Variants in ZNF365 observed in about 807,000 individuals in gnomAD.
ZNF365 encodes protein ZNF365.
In ZNF365, 22 loss-of-function variants were observed where a neutral mutation model predicts 35.0. The ratio of observed to expected loss-of-function variants is 0.63; its 90% CI spans 0.45 to 0.90. The LOEUF (loss-of-function observed/expected upper bound fraction) is 0.90, where lower values mean the gene tolerates loss of function less well. Ranked by LOEUF, ZNF365 falls within the 40% of genes least tolerant of loss-of-function variation. ZNF365 has a pLI of 0.00. For synonymous variants in ZNF365, 188 were observed against 196.2 expected (o/e 0.96, Z 0.35); for missense variants, 448 against 500.3 (o/e 0.90, Z 1.00).
intron 3 of ZNF365, among the ~76,000 whole-genome samples, chr10:62,407,628 T>A (rs1839924427): frequency 6.6e-6 from 1 of 152,194 alleles, no homozygotes. Context: ...CTGTGATTGT[T>A]AAAGTCTTTC....
chr10:62,387,871 G>A (rs2132417248), intron 2 of ZNF365, among the ~76,000 whole-genome samples: 1 of 152,216 alleles, frequency 6.6e-6, no homozygotes, highest in South Asian at 2.1e-4. Flanking sequence ...TGTCTTAAAA[G>A]CAATACATCC....
chr10:62,451,229 C>T (rs1013773386), intron 3 of ZNF365, among the ~76,000 whole-genome samples: 10 of 152,244 alleles, frequency 6.6e-5, no homozygotes, highest in East Asian at 1.9e-4. Flanking sequence ...AATCTTGATG[C>T]TCCTTTTTTC....
intron 3 of ZNF365, among the ~76,000 whole-genome samples, chr10:62,444,991 G>A (rs1388265604): frequency 6.7e-6 from 1 of 150,172 alleles, no homozygotes; most frequent in African/African-American, 2.5e-5. Context: ...TGATCTCATT[G>A]TTCAATTCCC....
At chr10:62,408,444 G>T (rs1414924983) in intron 3 of ZNF365, among the ~76,000 whole-genome samples, 1 of 152,092 alleles carries the variant, frequency 6.6e-6, no homozygotes, top group African/African-American at 2.4e-5. Context: ...AAGACATCAG[G>T]CTCTGCCACT....
intron 3 of ZNF365, among the ~76,000 whole-genome samples, chr10:62,413,012 G>A (rs1331898940): frequency 6.6e-6 from 1 of 152,086 alleles, no homozygotes; most frequent in Non-Finnish European, 1.5e-5. Context: ...TTGGCTAATA[G>A]GCAACTCTCC....
intron 4 of ZNF365, among the ~76,000 whole-genome samples, chr10:62,478,391 C>G (rs1243657263): frequency 6.6e-6 from 1 of 152,176 alleles, no homozygotes; most frequent in Non-Finnish European, 1.5e-5. Context: ...GCATAGCTCC[C>G]AGACATTTTC....
At position 62,374,839 on chromosome 10, in the gene ZNF365, C is replaced by A. The variant is rs189523298; in HGVS notation, c.-14+381C>A. Reference sequence around the variant, plus strand: ...CAAAATGCCACCCTTTTCCCATTGCCCCCTTAGAATCCTGACTTCCCCTTT... The same window carrying A: ...CAAAATGCCACCCTTTTCCCATTGCACCCTTAGAATCCTGACTTCCCCTTT... On this transcript the variant is annotated intron_variant, in intron 1 of 4. Transcript: ENST00000395254. 3.6e-3 allele frequency among the ~76,000 whole-genome samples: 548 copies of A among 152,286 alleles called. 2 individuals are homozygous for A. Among genetic ancestry groups the A allele is most frequent in the Non-Finnish European group, 5.3e-3 (360 of 68,006 alleles).
rs183546521 is a variant in ZNF365 at position 62,462,787 on chromosome 10, A to C, written c.981+2990A>C. On this transcript the variant is annotated intron_variant, in intron 4 of 4. Transcript: ENST00000395255. ...TTAATTTGATGTAAGGAAATCTAAA[A>C]ATTTTATGTTTCTTGAACACATGAA... Among the ~76,000 whole-genome samples, 5 of 152,326 alleles carry C rather than the reference A, an allele frequency of 3.3e-5. No individual in the cohort carries two copies. In the East Asian group the frequency reaches 9.6e-4, roughly 29 times the overall value.
At chr10:62,464,487 T>C (rs1210010945) in intron 4 of ZNF365, among the ~76,000 whole-genome samples, 1 of 152,228 alleles carries the variant, frequency 6.6e-6, no homozygotes, top group African/African-American at 2.4e-5. Context: ...GCCTTACTCA[T>C]AGCAGATGTT....
At chr10:62,449,738 T>G (rs907844110) in intron 3 of ZNF365, among the ~76,000 whole-genome samples, 9 of 152,098 alleles carry the variant, frequency 5.9e-5, no homozygotes, top group Non-Finnish European at 1.0e-4. Context: ...CTTTTGCACC[T>G]TCCCCTCAAA....
At chr10:62,467,047 C>T (rs1254518621) in intron 4 of ZNF365, among the ~76,000 whole-genome samples, 7 of 152,196 alleles carry the variant, frequency 4.6e-5, no homozygotes, top group African/African-American at 1.7e-4. Context: ...CAAAATTCAG[C>T]ATACATTAAC....
chr10:62,478,810 G>A (rs1223207844), intron 4 of ZNF365, among the ~76,000 whole-genome samples: 2 of 152,132 alleles, frequency 1.3e-5, no homozygotes, highest in Admixed American at 6.6e-5. Context: ...TCCTGACCTC[G>A]TGATCTGCCT....
At chr10:62,413,334 A>T (rs1840018866) in intron 3 of ZNF365, among the ~76,000 whole-genome samples, 1 of 152,158 alleles carries the variant, frequency 6.6e-6, no homozygotes, top group Non-Finnish European at 1.5e-5. Context: ...GACAATGAAA[A>T]TGTGCATTGT....
chr10:62,406,735 G>C (rs1402659208), downstream of ZNF365, among the ~76,000 whole-genome samples: 1 of 152,158 alleles, frequency 6.6e-6, no homozygotes, highest in Non-Finnish European at 1.5e-5. Flanking sequence ...AGAAAGCATA[G>C]GACAAGTGAA....
At chr10:62,466,052 A>T (rs1298335158) in intron 4 of ZNF365, among the ~76,000 whole-genome samples, 1 of 152,198 alleles carries the variant, frequency 6.6e-6, no homozygotes. Context: ...CAGCTGTAAC[A>T]CAAATAGGCT....
chr10:62,440,533 A>G (rs1840482566), intron 3 of ZNF365, among the ~76,000 whole-genome samples: 1 of 152,160 alleles, frequency 6.6e-6, no homozygotes, highest in Non-Finnish European at 1.5e-5. Flanking sequence ...GTTTACAGAC[A>G]ATGGGTGAAT....
At position 62,393,858 on chromosome 10, in the gene ZNF365, C is replaced by G. The variant is rs558331990; in HGVS notation, c.925-4882C>G. On this transcript the variant is annotated intron_variant, in intron 3 of 4. Transcript: ENST00000395254. ...GCATGATCAGGCTGTGGTGAGGGAA[C>G]TGTATGAGGGTTGGAGGGAGGATAC... 2.0e-5 allele frequency among the ~76,000 whole-genome samples: 3 copies of G among 152,164 alleles called. No individual in the cohort carries two copies. In the South Asian group the frequency reaches 6.2e-4, roughly 32 times the overall value.
intron 3 of ZNF365, among the ~76,000 whole-genome samples, chr10:62,459,260 G>T (rs927039435): frequency 1.3e-5 from 2 of 152,188 alleles, no homozygotes; most frequent in Non-Finnish European, 2.9e-5. Flanking sequence ...AATGGCATCT[G>T]GTTTCCATCT....
chr10:62,475,715 A>G (rs1383000551), intron 4 of ZNF365, among the ~76,000 whole-genome samples: 6 of 152,178 alleles, frequency 3.9e-5, no homozygotes, highest in Non-Finnish European at 8.8e-5. Context: ...ATTTCCTCCC[A>G]GTGAGTTCAC....
Sources: allele counts gnomAD v4.1 joint callset (sites outside exome capture counted in the v4.1 genomes callset), GRCh38; gene constraint gnomAD v4.1.1; transcripts MANE v1.5; gene names NCBI Gene and HGNC (gene_info 2026-07-23, HGNC 2026-07-21).